The following RBFOX3 variants were observed in gnomAD, a reference collection of about 807,000 sequenced individuals.
RBFOX3 encodes RNA binding fox-1 homolog 3.
A neutral mutation model predicts 48.7 loss-of-function variants in RBFOX3; 17 were observed. The observed-to-expected ratio is 0.35, with a 90% confidence interval of 0.24 to 0.52. The LOEUF (loss-of-function observed/expected upper bound fraction) is 0.52. RBFOX3 is among the 20% of genes least tolerant of loss of function. The pLI is 0.94. For missense variants in RBFOX3, 382 were observed against 497.5 expected, an observed-to-expected ratio of 0.77 and a Z score of 2.21; for synonymous variants, 212 against 209.5, an observed-to-expected ratio of 1.01 and a Z score of -0.10.
At chr17:79,570,900 C>T (rs1440903035) in intron 1 of RBFOX3, among the ~76,000 whole-genome samples, 1 of 152,160 alleles carries the variant, frequency 6.6e-6, no homozygotes, top group Non-Finnish European at 1.5e-5. Flanking sequence ...AATGTCATGT[C>T]TCAGGAAGGA....
intron 2 of RBFOX3, among the ~76,000 whole-genome samples, chr17:79,379,755 A>G (rs960166885): frequency 6.6e-6 from 1 of 152,064 alleles, no homozygotes. Flanking sequence ...CTCACATCCA[A>G]TTCCCGGTCC....
intron 8 of RBFOX3, among the ~76,000 whole-genome samples, chr17:79,102,159 G>A (rs1033982953): frequency 6.6e-6 from 1 of 152,218 alleles, no homozygotes. Context: ...CCTGGAGGAC[G>A]AGGCCGACAG....
chr17:79,356,348 GTTTTTTTTTTTTTTTTTTTTTTTT>G (rs58040659), intron 2 of RBFOX3, among the ~76,000 whole-genome samples: 8 of 47,330 alleles, frequency 1.7e-4, no homozygotes, highest in Admixed American at 2.8e-4. Flanking sequence ...AAACAGGGAA[GTTTTTTTTTTTTTTTTTTTTTTTT>G]TTTTTTTTTT....
At chr17:79,573,112 G>A (rs2092734812) in intron 1 of RBFOX3, among the ~76,000 whole-genome samples, 1 of 152,208 alleles carries the variant, frequency 6.6e-6, no homozygotes, top group African/African-American at 2.4e-5. Context: ...TTATGCCTCA[G>A]GCATTTCCTC....
At chr17:79,282,001 G>C (rs546281669) in intron 3 of RBFOX3, among the ~76,000 whole-genome samples, 2 of 152,274 alleles carry the variant, frequency 1.3e-5, no homozygotes, top group African/African-American at 4.8e-5. Flanking sequence ...AAATATATCT[G>C]GAAAGAAAAC....
At chr17:79,643,290 A>G in the RBFOX3 span, among the ~76,000 whole-genome samples, 2 of 152,232 alleles carry the variant, frequency 1.3e-5, no homozygotes, top group Admixed American at 1.3e-4. Flanking sequence ...AAAGGGCCTA[A>G]GAGAAGAACT....
At chr17:79,412,845 CGT>C (rs1010606017) in intron 2 of RBFOX3, among the ~76,000 whole-genome samples, 2 of 148,988 alleles carry the variant, frequency 1.3e-5, no homozygotes, top group African/African-American at 5.0e-5. Context: ...GGGCATGGTG[CGT>C]GTGTGTATGA....
Position 79,458,982 on chromosome 17 carries a change from C to G in RBFOX3, c.-175+23472G>C, listed in dbSNP as rs565394166. ...ACCTGCCTGTGCAGAATGTGAAGCG[C>G]GGCCGTGGGCTACCAGGCCTCCACC... On this transcript the variant is annotated intron_variant, in intron 2 of 14. Transcript: ENST00000693108. Among the ~76,000 whole-genome samples the G allele has an allele frequency of 1.1e-4, 17 of 152,328 alleles. No individual in the cohort carries two copies. In the East Asian group the frequency reaches 2.9e-3, roughly 26 times the overall value.
At position 79,363,102 on chromosome 17, in the gene RBFOX3, G is replaced by A. The variant is rs72849700; in HGVS notation, c.-174-55278C>T. 6.6e-6 allele frequency among the ~76,000 whole-genome samples: 1 copy of A among 152,136 alleles called. No homozygotes were observed. The highest frequency in any genetic ancestry group is 1.9e-4 in the East Asian group (1 of 5,168). On this transcript the variant is annotated intron_variant, in intron 2 of 14. Transcript: ENST00000693108. This position sits in a 1 kb window ranked among gnomAD's most constrained non-coding sequence, Gnocchi z 4.7. ...GCACATGCGAGGTTTCTGGGCCATA[G>A]TGAGCCGCAGGGGAGGCACGTGGCT...
At chr17:79,495,729 A>C (rs1183927421) in intron 1 of RBFOX3, among the ~76,000 whole-genome samples, 1 of 32,958 alleles carries the variant, frequency 3.0e-5, no homozygotes, top group Non-Finnish European at 6.0e-5. Flanking sequence ...AGATGGAGGG[A>C]GGTGGGGGAG....
intron 1 of RBFOX3, among the ~76,000 whole-genome samples, chr17:79,593,679 A>T (rs927672045): frequency 1.3e-5 from 2 of 152,206 alleles, no homozygotes; most frequent in African/African-American, 4.8e-5. Context: ...TGTCTCCTGC[A>T]AATGTTAGTT....
chr17:79,497,071 G>C (rs1489368949), intron 1 of RBFOX3, among the ~76,000 whole-genome samples: 4 of 152,284 alleles, frequency 2.6e-5, no homozygotes, highest in African/African-American at 9.6e-5. Context: ...GCCATCATGA[G>C]AGCCCTCCTA....
chr17:79,656,710 A>AAG, the RBFOX3 span, among the ~76,000 whole-genome samples: 126 of 85,008 alleles, frequency 1.5e-3, 1 homozygote, highest in African/African-American at 7.4e-3. Flanking sequence ...GGAAGGAAGG[A>AAG]GAGAGAGAGA....
At chr17:79,272,894 G>C (rs2067992805) in intron 3 of RBFOX3, among the ~76,000 whole-genome samples, 1 of 140,730 alleles carries the variant, frequency 7.1e-6, no homozygotes, top group South Asian at 2.6e-4. Flanking sequence ...GTGCCTGTCT[G>C]CTTGCCCCGT....
chr17:79,260,565 C>T (rs575113224), intron 3 of RBFOX3, among the ~76,000 whole-genome samples: 8 of 152,302 alleles, frequency 5.3e-5, no homozygotes, highest in African/African-American at 1.2e-4. Flanking sequence ...GGGCCAGGCC[C>T]GTGCCCCTAA....
intron 4 of RBFOX3, among the ~76,000 whole-genome samples, chr17:79,181,462 G>A (rs1000017090): frequency 1.3e-5 from 2 of 152,228 alleles, no homozygotes; most frequent in African/African-American, 4.8e-5. Context: ...GTGTCAACTG[G>A]GAATTTAGGG....
At chr17:79,237,847 T>C (rs1306481659) in intron 3 of RBFOX3, among the ~76,000 whole-genome samples, 1 of 152,188 alleles carries the variant, frequency 6.6e-6, no homozygotes, top group Non-Finnish European at 1.5e-5. Context: ...AGGGCAGGTG[T>C]GATTGGAAGG....
rs1254240948 is a variant in RBFOX3 at position 79,479,261 on chromosome 17, C to T, written c.-175+3193G>A. Among the ~76,000 whole-genome samples the T allele has an allele frequency of 4.6e-5, 7 of 152,216 alleles. No individual in the cohort carries two copies. Among genetic ancestry groups the T allele is most frequent in the African/African-American group, 9.6e-5 (4 of 41,458 alleles). On this transcript the variant is annotated intron_variant, in intron 2 of 14. Coordinates refer to ENST00000693108, the MANE Select transcript of RBFOX3 (RefSeq NM_001350451.2). The surrounding 1 kb of genome is among the most constrained non-coding windows in gnomAD (Gnocchi z 5.1). The stretch of plus-strand genomic sequence containing the variant: ...GCGGCCCCTTCTCTGAAGCCCATGT[C>T]CAGGCTGCAGGGAGAACCCAGGAGC...
chr17:79,169,728 C>A (rs1221144222), intron 4 of RBFOX3, among the ~76,000 whole-genome samples: 1 of 152,154 alleles, frequency 6.6e-6, no homozygotes, highest in Non-Finnish European at 1.5e-5. Flanking sequence ...GTGGGGAGAA[C>A]GGGAGGTGGC....
Sources: allele counts gnomAD v4.1 joint callset (sites outside exome capture counted in the v4.1 genomes callset), GRCh38; gene constraint gnomAD v4.1.1; non-coding constraint Gnocchi (gnomAD v3.1); transcripts MANE v1.5; gene names NCBI Gene and HGNC (gene_info 2026-07-23, HGNC 2026-07-21).